Variants in PTPRT observed in about 807,000 individuals in gnomAD.
The protein encoded by PTPRT is protein tyrosine phosphatase receptor type T.
A neutral mutation model predicts 176.8 loss-of-function variants in PTPRT; 56 were observed. The observed-to-expected ratio is 0.32, with a 90% CI of 0.26 to 0.40. The LOEUF (loss-of-function observed/expected upper bound fraction) is 0.40, where lower values mean the gene tolerates loss of function less well. Among genes scored for constraint, PTPRT ranks in the 10% least tolerant of loss-of-function variants. The pLI, the probability that PTPRT is intolerant of heterozygous loss-of-function variation, is 1.00. For synonymous variants in PTPRT, 783 were observed against 739.0 expected, an observed-to-expected ratio of 1.06 and a Z score of -0.96; for missense variants, 1,540 against 1,908.2, an observed-to-expected ratio of 0.81 and a Z score of 3.60.
chr20:42,939,614 C>T (rs1357385039), intron 1 of PTPRT, among the ~76,000 whole-genome samples: 1 of 152,110 alleles, frequency 6.6e-6, no homozygotes, highest in Non-Finnish European at 1.5e-5. Flanking sequence ...CTACTATTTA[C>T]TTGAAACTTA....
chr20:42,295,121 G>A (rs989043746), intron 12 of PTPRT, among the ~76,000 whole-genome samples: 1 of 152,098 alleles, frequency 6.6e-6, no homozygotes, highest in Non-Finnish European at 1.5e-5. Flanking sequence ...TATACTGAAA[G>A]AGTGCACAGT....
At chr20:42,998,815 T>C (rs2146123840) in intron 1 of PTPRT, among the ~76,000 whole-genome samples, 1 of 152,314 alleles carries the variant, frequency 6.6e-6, no homozygotes, top group South Asian at 2.1e-4. Context: ...CCGAGTGACT[T>C]GCCCACTGTC....
chr20:42,071,353 C>G (rs1377833577), downstream of PTPRT, among the ~76,000 whole-genome samples: 5 of 152,108 alleles, frequency 3.3e-5, no homozygotes, highest in Admixed American at 3.3e-4. Flanking sequence ...GCCTCATGTC[C>G]CAGTTTGAGT....
Position 42,308,658 on chromosome 20 carries a change from T to C in PTPRT, c.2139+7065A>G, listed in dbSNP as rs114563401. ...TTTTTTTGAGGCAGATCATTAATCATATTTTCCATCTTGAGATGTTAAGTA... is the reference window on the plus strand; with the variant it reads ...TTTTTTTGAGGCAGATCATTAATCACATTTTCCATCTTGAGATGTTAAGTA... On this transcript the variant is annotated intron_variant, in intron 12 of 30. Coordinates refer to ENST00000373187, the MANE Select transcript of PTPRT (RefSeq NM_007050.6). Among the ~76,000 whole-genome samples the C allele has an allele frequency of 4.1e-3, 621 of 152,326 alleles. 7 individuals carry two copies. The highest frequency in any genetic ancestry group is 0.013 in the African/African-American group (552 of 41,576).
the PTPRT span, among the ~76,000 whole-genome samples, chr20:42,055,220 A>G: frequency 2.6e-4 from 39 of 152,356 alleles, 1 homozygote; most frequent in East Asian, 6.6e-3. Context: ...TTTTTTATGA[A>G]GCAAATAAAA....
At position 42,686,602 on chromosome 20, in the gene PTPRT, G is replaced by A. The variant is rs1462803600; in HGVS notation, c.860-8443C>T. ...GGGTTCAAGTGATTCTCCTGCCTCA[G>A]CCTCCTGAGTAGCTAGAACTACAGG... On this transcript the variant is annotated intron_variant, in intron 6 of 30. Coordinates refer to ENST00000373187, the MANE Select transcript of PTPRT (RefSeq NM_007050.6). 2.0e-5 allele frequency among the ~76,000 whole-genome samples: 3 copies of A among 150,398 alleles called. No individual in the cohort carries two copies. In the East Asian group the frequency reaches 6.0e-4, roughly 30 times the overall value.
intron 7 of PTPRT, among the ~76,000 whole-genome samples, chr20:42,598,134 T>TAA: frequency 6.6e-6 from 1 of 151,144 alleles, no homozygotes; most frequent in African/African-American, 2.4e-5. Context: ...GTATAGCTGT[T>TAA]AAAAAAAAAC....
At chr20:42,777,494 C>T (rs1287200051) in intron 4 of PTPRT, among the ~76,000 whole-genome samples, 1 of 152,154 alleles carries the variant, frequency 6.6e-6, no homozygotes, top group Non-Finnish European at 1.5e-5. Context: ...TCCCGTATCC[C>T]AGACACCGAC....
At chr20:42,186,574 G>A (rs931850602) in intron 16 of PTPRT, among the ~76,000 whole-genome samples, 1 of 152,032 alleles carries the variant, frequency 6.6e-6, no homozygotes, top group African/African-American at 2.4e-5. Flanking sequence ...GAGAGCCTGG[G>A]GAAGGTCAGA....
chr20:43,013,371 G>T (rs6072947), intron 1 of PTPRT, among the ~76,000 whole-genome samples: 55,374 of 151,892 alleles, frequency 0.36, 11,877 homozygotes, highest in African/African-American at 0.61. Context: ...CAAGCAACCA[G>T]CAAACCAGCC....
intron 1 of PTPRT, among the ~76,000 whole-genome samples, chr20:42,942,129 T>A (rs1412023866): frequency 6.6e-6 from 1 of 152,172 alleles, no homozygotes; most frequent in Non-Finnish European, 1.5e-5. Flanking sequence ...CAGGGGGAGC[T>A]GCTGTCCTGT....
At chr20:42,595,469 C>T (rs1358576229) in intron 7 of PTPRT, among the ~76,000 whole-genome samples, 1 of 152,028 alleles carries the variant, frequency 6.6e-6, no homozygotes, top group African/African-American at 2.4e-5. Flanking sequence ...AGCAAAATGG[C>T]CCCTGGTTAA....
intron 7 of PTPRT, among the ~76,000 whole-genome samples, chr20:42,529,539 T>C (rs2072340983): frequency 6.6e-6 from 1 of 152,008 alleles, no homozygotes; most frequent in South Asian, 2.1e-4. Context: ...CCGGCTGGAG[T>C]ACACTGGCAT....
At chr20:42,815,142 G>C (rs1472131202) in intron 2 of PTPRT, among the ~76,000 whole-genome samples, 1 of 152,168 alleles carries the variant, frequency 6.6e-6, no homozygotes, top group African/African-American at 2.4e-5. Flanking sequence ...TTTTGTAGTA[G>C]GTTTTTGAAA....
Position 42,173,028 on chromosome 20 carries a change from A to G in PTPRT, c.2492-11486T>C, listed in dbSNP as rs1288022283. On this transcript the variant is annotated intron_variant, in intron 16 of 30. Transcript: ENST00000373187. ...GACCACAATATGTGGCTGGTCATAC[A>G]TGCTGTGCACTGTTCAATTTTAGAG... Among the ~76,000 whole-genome samples, 5 of 152,290 alleles carry G rather than the reference A, an allele frequency of 3.3e-5. No individual in the cohort carries two copies. The East Asian group carries it at 9.6e-4, about 29-fold the overall frequency.
At chr20:42,538,823 T>C (rs1398180361) in intron 7 of PTPRT, among the ~76,000 whole-genome samples, 1 of 152,166 alleles carries the variant, frequency 6.6e-6, no homozygotes, top group Non-Finnish European at 1.5e-5. Context: ...CTGCCCACTC[T>C]CCACATTGGA....
intron 16 of PTPRT, among the ~76,000 whole-genome samples, chr20:42,173,883 C>T (rs192786026): frequency 6.6e-6 from 1 of 152,062 alleles, no homozygotes; most frequent in Admixed American, 6.5e-5. Flanking sequence ...CTTTCAGAGA[C>T]ACTTGTTGTT....
intron 1 of PTPRT, among the ~76,000 whole-genome samples, chr20:43,038,887 C>T (rs1226630223): frequency 6.6e-6 from 1 of 151,838 alleles, no homozygotes; most frequent in African/African-American, 2.4e-5. Flanking sequence ...ATATGCAAGA[C>T]CTAAAAAAAG....
chr20:42,620,612 C>T (rs954657920), intron 7 of PTPRT, among the ~76,000 whole-genome samples: 4 of 152,194 alleles, frequency 2.6e-5, no homozygotes, highest in African/African-American at 9.7e-5. Flanking sequence ...GCGTAGGACC[C>T]TCCGAGCCAG....
Sources: allele counts gnomAD v4.1 joint callset (sites outside exome capture counted in the v4.1 genomes callset), GRCh38; gene constraint gnomAD v4.1.1; transcripts MANE v1.5; gene names NCBI Gene and HGNC (gene_info 2026-07-23, HGNC 2026-07-21).